The following PCDH15 variants were observed in gnomAD, a reference collection of about 807,000 sequenced individuals.
PCDH15 encodes protocadherin-15.
PCDH15 carries 129 observed loss-of-function variants against 178.5 expected under a neutral mutation model. The observed-to-expected ratio is 0.72, with a 90% CI of 0.63 to 0.84. The LOEUF (loss-of-function observed/expected upper bound fraction) is 0.84, where lower values mean the gene tolerates loss of function less well. Among genes scored for constraint, PCDH15 ranks in the 40% least tolerant of loss-of-function variants. The pLI is 0.00. For missense variants in PCDH15, 2,230 were observed against 2,099.9 expected, an observed-to-expected ratio of 1.06 and a Z score of -1.21; for synonymous variants, 800 against 732.0, an observed-to-expected ratio of 1.09 and a Z score of -1.50.
chr10:55,395,194 T>TGA lies in PCDH15; in HGVS notation c.-155-228544_-155-228543insTC, dbSNP rs1362426463. The stretch of plus-strand genomic sequence containing the variant: ...GTGTGTGTGTGTGTGTGTGTGTGTG[T>TGA]GTGAGAGAGAGAGAGAGAGAGAGAG... On this transcript the variant is annotated intron_variant, in intron 2 of 5. Coordinates refer to the PCDH15 transcript ENST00000613346. Among the ~76,000 whole-genome samples, 204 of 91,058 alleles carry TGA rather than the reference T, an allele frequency of 2.2e-3. 1 individual carries two copies. The highest frequency in any genetic ancestry group is 8.5e-3 in the African/African-American group (193 of 22,578). The allele number at this position is 91,058 out of a possible 152,430, so 59.7% of individuals were successfully genotyped here.
intron 3 of PCDH15, among the ~76,000 whole-genome samples, chr10:54,413,623 T>C (rs1953889497): frequency 6.6e-6 from 1 of 152,152 alleles, no homozygotes; most frequent in Non-Finnish European, 1.5e-5. Flanking sequence ...AAAAAAGCCT[T>C]TTTGGGAATC....
chr10:55,121,610 T>C (rs1288549474), intron 2 of PCDH15, among the ~76,000 whole-genome samples: 1 of 152,084 alleles, frequency 6.6e-6, no homozygotes, highest in Non-Finnish European at 1.5e-5. Flanking sequence ...CCCAATGTGA[T>C]AGTATTAAGA....
intron 2 of PCDH15, among the ~76,000 whole-genome samples, chr10:55,142,580 TA>T (rs1201180608): frequency 1.6e-5 from 1 of 61,138 alleles, no homozygotes; most frequent in Non-Finnish European, 4.1e-5. Context: ...TGTGTATCTA[TA>T]GTTTTTTGCA....
intron 9 of PCDH15, among the ~76,000 whole-genome samples, chr10:54,219,302 T>C (rs1293249702): frequency 8.0e-6 from 1 of 124,784 alleles, no homozygotes; most frequent in Non-Finnish European, 1.7e-5. Context: ...AAAGGAGACT[T>C]AGGAGAGGCT....
intron 13 of PCDH15, among the ~76,000 whole-genome samples, chr10:54,165,711 C>A (rs1041182863): frequency 3.3e-5 from 5 of 152,190 alleles, no homozygotes; most frequent in Non-Finnish European, 5.9e-5. Flanking sequence ...GTCTTTCATA[C>A]TTCTTCAAGA....
intron 2 of PCDH15, among the ~76,000 whole-genome samples, chr10:55,380,618 A>T (rs909073952): frequency 6.6e-6 from 1 of 152,090 alleles, no homozygotes; most frequent in East Asian, 1.9e-4. Context: ...AGTGTTTCTG[A>T]CCTGTCATAC....
chr10:54,854,024 C>T (rs1022299211), intron 3 of PCDH15, among the ~76,000 whole-genome samples: 7 of 152,142 alleles, frequency 4.6e-5, no homozygotes, highest in African/African-American at 1.7e-4. Flanking sequence ...CTGCCAAAGG[C>T]GAGTCAGGCA....
At chr10:55,602,880 T>G (rs1228900819) in intron 2 of PCDH15, among the ~76,000 whole-genome samples, 1 of 152,104 alleles carries the variant, frequency 6.6e-6, no homozygotes, top group Admixed American at 6.6e-5. Flanking sequence ...GGAACAAAGC[T>G]GGATGGAGAA....
chr10:54,986,983 C>A (rs557557635), intron 2 of PCDH15, among the ~76,000 whole-genome samples: 55 of 152,136 alleles, frequency 3.6e-4, no homozygotes, highest in African/African-American at 1.3e-3. Context: ...GTTTGCTGCA[C>A]CTATTAATCA....
At chr10:54,858,678 A>G (rs1368571031) in intron 3 of PCDH15, among the ~76,000 whole-genome samples, 2 of 152,196 alleles carry the variant, frequency 1.3e-5, no homozygotes, top group East Asian at 3.9e-4. Context: ...AATAAACTAT[A>G]TAGTTATCTA....
At chr10:55,418,730 A>G (rs1007095548) in intron 2 of PCDH15, among the ~76,000 whole-genome samples, 1 of 151,834 alleles carries the variant, frequency 6.6e-6, no homozygotes, top group African/African-American at 2.4e-5. Flanking sequence ...TTAATATTAG[A>G]AGAAAAAAGA....
chr10:55,380,601 T>C (rs1311338388), intron 2 of PCDH15, among the ~76,000 whole-genome samples: 1 of 152,158 alleles, frequency 6.6e-6, no homozygotes, highest in Non-Finnish European at 1.5e-5. Context: ...GAGATTTTTC[T>C]AGTCTCAGTG....
intron 2 of PCDH15, among the ~76,000 whole-genome samples, chr10:55,513,971 A>G (rs1454991832): frequency 6.6e-6 from 1 of 152,052 alleles, no homozygotes; most frequent in Non-Finnish European, 1.5e-5. Flanking sequence ...AAGATACTCA[A>G]CGAGTAGACT....
exon 2 of PCDH15, chr10:55,166,580 G>A (rs1385873344): frequency 6.6e-6 from 1 of 152,114 alleles, no homozygotes; most frequent in East Asian, 1.9e-4. Context: ...ACTCACCCTA[G>A]TGTCGTGTCC....
chr10:55,334,242 A>ATATATGTGTGTGTG (rs1291195941), intron 2 of PCDH15, among the ~76,000 whole-genome samples: 2 of 72,142 alleles, frequency 2.8e-5, no homozygotes, highest in Non-Finnish European at 4.4e-5. Context: ...ATATATATAT[A>ATATATGTGTGTGTG]TGTGTGTGTG....
At chr10:54,186,229 T>C (rs1007214474) in intron 11 of PCDH15, among the ~76,000 whole-genome samples, 1 of 152,020 alleles carries the variant, frequency 6.6e-6, no homozygotes, top group Admixed American at 6.6e-5. Flanking sequence ...GATTATACTA[T>C]CTTTTAAAGT....
At chr10:54,139,486 G>T (rs975193062) in intron 14 of PCDH15, among the ~76,000 whole-genome samples, 2 of 151,918 alleles carry the variant, frequency 1.3e-5, no homozygotes, top group African/African-American at 4.8e-5. Context: ...GTGCTCATTG[G>T]GTGTCTGGGT....
intron 2 of PCDH15, among the ~76,000 whole-genome samples, chr10:55,464,021 G>GAAAGAA (rs1839769109): frequency 8.9e-6 from 1 of 112,520 alleles, no homozygotes; most frequent in Non-Finnish European, 1.8e-5. Flanking sequence ...AAGAAAGAAA[G>GAAAGAA]AAAGAAAGAA....
intron 2 of PCDH15, among the ~76,000 whole-genome samples, chr10:55,616,519 CAA>C (rs34005780): frequency 2.0e-3 from 254 of 127,482 alleles, no homozygotes; most frequent in African/African-American, 6.0e-3. Flanking sequence ...CTGAAATTAG[CAA>C]AAAAAAAAAA....
Sources: allele counts gnomAD v4.1 joint callset (sites outside exome capture counted in the v4.1 genomes callset), GRCh38; gene constraint gnomAD v4.1.1; transcripts MANE v1.5; gene names NCBI Gene and HGNC (gene_info 2026-07-23, HGNC 2026-07-21).